Variants in LZTFL1 observed in about 807,000 individuals in gnomAD.
The protein encoded by LZTFL1 is leucine zipper transcription factor like 1, also known as leucine zipper transcription factor-like protein 1.
LZTFL1 carries 25 observed loss-of-function variants against 45.9 expected under a neutral mutation model. The observed-to-expected ratio is 0.54, with a 90% CI of 0.40 to 0.76. LZTFL1 has a LOEUF of 0.76. Among genes scored for constraint, LZTFL1 ranks in the 30% least tolerant of loss-of-function variants. LZTFL1 has a pLI of 0.00. For synonymous variants in LZTFL1, 93 were observed against 117.4 expected, an observed-to-expected ratio of 0.79 and a Z score of 1.35; for missense variants, 277 against 331.1, an observed-to-expected ratio of 0.84 and a Z score of 1.27.
chr3:45,833,066 G>A lies in LZTFL1; in HGVS notation c.440C>T (p.Ala147Val), dbSNP rs1245151586. ...TAATATTACCTTGTTTAGGAGTTCT[G>A]CTGTTCCACCTTCATTAAGTGGAGC... ...KLAPLNEGGT[A>V]ELLNKEILRL... Residue 147 changes from alanine (A) to valine (V), a missense_variant, in exon 5 of 10, where the codon GCA (alanine) becomes GTA (valine). Transcript: ENST00000296135. 2 of 1,612,924 alleles carry A rather than the reference G, an allele frequency of 1.2e-6. No homozygotes were observed. Among genetic ancestry groups the A allele is most frequent in the Non-Finnish European group, 8.5e-7 (1 of 1,179,040 alleles).
chr3:45,878,351 AT>A (rs1474200033), intron 2 of LZTFL1, among the ~76,000 whole-genome samples: 1 of 152,138 alleles, frequency 6.6e-6, no homozygotes, highest in East Asian at 1.9e-4. Flanking sequence ...GGCTATTTTC[AT>A]GTAGCTATTT....
chr3:45,908,840 CA>C (rs1411698551), intron 2 of LZTFL1, among the ~76,000 whole-genome samples: 1 of 152,176 alleles, frequency 6.6e-6, no homozygotes, highest in Non-Finnish European at 1.5e-5. Context: ...CAGGGGTCCC[CA>C]ACCCCTGGGC....
intron 5 of LZTFL1, 112 bp downstream of exon 5, chr3:45,832,938 G>T: frequency 1.3e-6 from 1 of 753,990 alleles, no homozygotes; most frequent in Non-Finnish European, 2.2e-6. Context: ...CTACTGCAAT[G>T]GACTAATTAT....
At chr3:45,914,943 T>C (rs550051305) in intron 1 of LZTFL1, among the ~76,000 whole-genome samples, 3 of 152,310 alleles carry the variant, frequency 2.0e-5, no homozygotes, top group South Asian at 2.1e-4. Flanking sequence ...CTGTCGCTCA[T>C]TCACAAGCGT....
chr3:45,845,972 C>T (rs757216346), upstream of LZTFL1, among the ~76,000 whole-genome samples: 7 of 152,170 alleles, frequency 4.6e-5, no homozygotes, highest in Non-Finnish European at 8.8e-5. Context: ...TACTATGTTG[C>T]AAGCTCCTTG....
At chr3:45,904,210 T>A (rs1702634850) in intron 2 of LZTFL1, among the ~76,000 whole-genome samples, 1 of 152,246 alleles carries the variant, frequency 6.6e-6, no homozygotes, top group South Asian at 2.1e-4. Flanking sequence ...TGAATTAATA[T>A]CTTTATAAAC....
rs1168094940 is a variant in LZTFL1, at chr3:45,825,646, GA to G, written c.*667del. 1 of 152,126 alleles carries G rather than the reference GA, an allele frequency of 6.6e-6. No homozygotes were observed. Among genetic ancestry groups the G allele is most frequent in the Non-Finnish European group, 1.5e-5 (1 of 68,006 alleles). 9.4% of individuals were successfully genotyped at this position (152,126 alleles called of 1,614,324 possible). On this transcript the variant is annotated 3_prime_UTR_variant, in exon 10 of 10. Transcript: ENST00000296135. ...TTATCCATTAGTAATACAGACTCAT[GA>G]AAAGTTATGCTGCAAAAAATGCTGA...
Position 45,892,477 on chromosome 3 carries a change from C to T in LZTFL1, c.-215+20643G>A, listed in dbSNP as rs116207980. On this transcript the variant is annotated intron_variant, in intron 2 of 4. Transcript: ENST00000472635. ...ACACAGAACAGAAAAACAAATGTCA[C>T]ATGTTCTCATTTATAAATGGGAGCT... 4.4e-3 allele frequency among the ~76,000 whole-genome samples: 676 copies of T among 152,184 alleles called. 8 individuals carry two copies. The highest frequency in any genetic ancestry group is 0.015 in the African/African-American group (641 of 41,498).
At chr3:45,908,743 C>G (rs554797671) in intron 2 of LZTFL1, among the ~76,000 whole-genome samples, 1 of 152,198 alleles carries the variant, frequency 6.6e-6, no homozygotes, top group Non-Finnish European at 1.5e-5. Context: ...TGGTTTAGGA[C>G]TTCTCCACTC....
Position 45,901,763 on chromosome 3 carries a change from C to T in LZTFL1, c.-215+11357G>A. 1 of 1,614,168 alleles carries T rather than the reference C, an allele frequency of 6.2e-7. No individual in the cohort carries two copies. The highest frequency in any genetic ancestry group is 1.1e-5 in the South Asian group (1 of 91,080). ...ATGTTTTTGTGGGTGAGAGATTCCG[C>T]CGGGATCTCGTGAAAACCCTGAAGA... is the stretch of plus-strand genomic sequence containing the variant. On this transcript the variant is annotated intron_variant, in intron 2 of 4. Coordinates refer to the LZTFL1 transcript ENST00000472635. This position sits in a 1 kb window ranked among gnomAD's most constrained non-coding sequence, Gnocchi z 4.3.
intron 2 of LZTFL1, among the ~76,000 whole-genome samples, chr3:45,878,026 A>T (rs1391710238): frequency 6.6e-6 from 1 of 152,212 alleles, no homozygotes; most frequent in Admixed American, 6.5e-5. Flanking sequence ...GATTACAGGC[A>T]TGAGCCACCG....
rs1387118823 is a variant in LZTFL1 at position 45,900,793 on chromosome 3, C to T, written c.-215+12327G>A. Reference sequence around the variant, plus strand: ...AATATTTTCCTTGACCTAATGCCATCTTGTGTCCCCTTGCAGAGCCCTATT... The same window carrying T: ...AATATTTTCCTTGACCTAATGCCATTTTGTGTCCCCTTGCAGAGCCCTATT... On this transcript the variant is annotated intron_variant, in intron 2 of 4. Coordinates refer to the LZTFL1 transcript ENST00000472635. This position sits in a 1 kb window ranked among gnomAD's most constrained non-coding sequence, Gnocchi z 4.7. 2 of 1,597,152 alleles carry T rather than the reference C, an allele frequency of 1.3e-6. No homozygotes were observed. Among genetic ancestry groups the T allele is most frequent in the African/African-American group, 2.7e-5 (2 of 74,616 alleles).
In LZTFL1 at chr3:45,855,742, C is replaced by A. The variant is rs538036243; in HGVS notation, c.-137-668G>T. 1.3e-3 allele frequency among the ~76,000 whole-genome samples: 203 copies of A among 152,250 alleles called. 1 individual carries two copies. Among genetic ancestry groups the A allele is most frequent in the African/African-American group, 4.8e-3 (198 of 41,492 alleles). ...AAAATCAATGTGCAAAAATCACAAA[C>A]ATTCCTATACACCACAAATAGACAG... On this transcript the variant is annotated intron_variant, in intron 3 of 4. Coordinates refer to the LZTFL1 transcript ENST00000472635.
intron 2 of LZTFL1, among the ~76,000 whole-genome samples, chr3:45,867,241 C>T (rs1289152046): frequency 6.6e-6 from 1 of 151,618 alleles, no homozygotes; most frequent in Non-Finnish European, 1.5e-5. Context: ...ACTCAGTTTC[C>T]CCTTTGGTAA....
In LZTFL1 at chr3:45,901,956, T is replaced by C. The variant is rs1702574847; in HGVS notation, c.-215+11164A>G. ...AAGAAATGAGAAATACAGAAACAGTTTCCCCACTGATGGGACCAGAGAGAG... is the reference window on the plus strand; with the variant it reads ...AAGAAATGAGAAATACAGAAACAGTCTCCCCACTGATGGGACCAGAGAGAG... On this transcript the variant is annotated intron_variant, in intron 2 of 4. Transcript: ENST00000472635. This position sits in a 1 kb window ranked among gnomAD's most constrained non-coding sequence, Gnocchi z 4.3. 4.3e-6 allele frequency: 6 copies of C among 1,395,678 alleles called. No homozygotes were observed. Among genetic ancestry groups the C allele is most frequent in the Non-Finnish European group, 5.9e-6 (6 of 1,023,224 alleles). 86.5% of individuals were successfully genotyped at this position (1,395,678 alleles called of 1,614,324 possible).
At chr3:45,893,374 C>T (rs548067444) in intron 2 of LZTFL1, among the ~76,000 whole-genome samples, 1 of 152,198 alleles carries the variant, frequency 6.6e-6, no homozygotes, top group South Asian at 2.1e-4. Context: ...AGACTGGTCT[C>T]GAACTCCCAA....
In LZTFL1 at chr3:45,826,330, T is replaced by A; in HGVS notation, c.884A>T (p.Tyr295Phe). The change falls in exon 10 of 10, where the codon TAT becomes TTT. Residue 295 changes from tyrosine to phenylalanine, a missense_variant and splice_region_variant. Coordinates refer to ENST00000296135, the MANE Select transcript of LZTFL1 (RefSeq NM_020347.4). ...IKDLRKRLAQ[Y>F]EPED is the part of the protein sequence containing the mutation. ...TCTTCAGTTTTAATCTTCAGGTTCA[T>A]ATCTGGAGATATAAATTAAGAACAC... is the stretch of plus-strand genomic sequence containing the variant. 1 of 1,611,272 alleles carries A rather than the reference T, an allele frequency of 6.2e-7. No individual in the cohort carries two copies. The highest frequency in any genetic ancestry group is 8.5e-7 in the Non-Finnish European group (1 of 1,177,752).
intron 2 of LZTFL1, among the ~76,000 whole-genome samples, chr3:45,890,308 T>TATATATAAATATATATATAAA (rs1176858500): frequency 1.3e-5 from 1 of 77,364 alleles, no homozygotes; most frequent in African/African-American, 1.4e-4. Context: ...ATATAACATA[T>TATATATAAATATATATATAAA]ATATATATTT....
chr3:45,833,022 T>C lies in LZTFL1; in HGVS notation c.456+28A>G, dbSNP rs1282961424. On this transcript the variant is annotated intron_variant, in intron 5 of 9. Coordinates refer to ENST00000296135, the MANE Select transcript of LZTFL1 (RefSeq NM_020347.4). ...GCAATGACAGGACAGAATGAGAGAC[T>C]TTCCGTTTCTCAAAATAATAATATT... 5 of 1,536,732 alleles carry C rather than the reference T, an allele frequency of 3.3e-6. No homozygotes were observed. The African/African-American group carries it at 4.1e-5, about 13-fold the overall frequency.
Sources: allele counts gnomAD v4.1 joint callset (sites outside exome capture counted in the v4.1 genomes callset), GRCh38; gene constraint gnomAD v4.1.1; non-coding constraint Gnocchi (gnomAD v3.1); transcripts MANE v1.5; gene names NCBI Gene and HGNC (gene_info 2026-07-23, HGNC 2026-07-21).